The following UNC13A variants were observed in gnomAD, a reference collection of about 807,000 sequenced individuals.
UNC13A encodes protein unc-13 homolog A.
In UNC13A, 61 loss-of-function variants were observed where a neutral mutation model predicts 219.7. The ratio of observed to expected loss-of-function variants is 0.28; its 90% CI spans 0.23 to 0.34. UNC13A has a LOEUF of 0.34. UNC13A is among the 10% of genes least tolerant of loss of function. The pLI is 1.00. For synonymous variants in UNC13A, 920 were observed against 884.6 expected (o/e 1.04, Z -0.71); for missense variants, 1,476 against 2,270.3 (o/e 0.65, Z 7.11).
Position 17,627,496 on chromosome 19 carries a change from G to C in UNC13A, c.3920+13C>G, listed in dbSNP as rs2076795657. 1.9e-6 allele frequency: 3 copies of C among 1,553,352 alleles called. No homozygotes were observed. The South Asian group carries it at 3.6e-5, about 18-fold the overall frequency. ...TCCCTCCCCACTGCCCCCAGCCCTGGAGATGCTCCCACCTGGTAGCAAACA... is the reference window on the plus strand; with the variant it reads ...TCCCTCCCCACTGCCCCCAGCCCTGCAGATGCTCCCACCTGGTAGCAAACA... On this transcript the variant is annotated intron_variant, in intron 33 of 43. Transcript: ENST00000519716. This position sits in a 1 kb window ranked among gnomAD's most constrained non-coding sequence, Gnocchi z 4.7.
At position 17,633,176 on chromosome 19, in the gene UNC13A, T is replaced by C. The variant is rs1188365868; in HGVS notation, c.3233A>G (p.Asn1078Ser). 1 of 1,614,100 alleles carries C rather than the reference T, an allele frequency of 6.2e-7. No homozygotes were observed. The highest frequency in any genetic ancestry group is 2.2e-5 in the East Asian group (1 of 44,882). The change falls in exon 27 of 44, where the codon AAT becomes AGT. Residue 1078 changes from asparagine to serine, a missense_variant. Asn to Ser is a conservative substitution (Grantham distance 46, BLOSUM62 1). Transcript: ENST00000519716. ...CACTTCAGCGCTGATTTTACCCACATTCAGCTCCTGGGGAAACCTGGCAAA... is the reference window on the plus strand; with the variant it reads ...CACTTCAGCGCTGATTTTACCCACACTCAGCTCCTGGGGAAACCTGGCAAA... The part of the protein sequence containing the change: ...PCLNQFPQEL[N>S]VGKISAEVMW...
rs1286038817 is a variant in UNC13A, at chr19:17,639,116, A to G, written c.3048T>C (p.His1016=). 1 of 1,611,836 alleles carries G rather than the reference A, an allele frequency of 6.2e-7. No homozygotes were observed. Among genetic ancestry groups the G allele is most frequent in the Admixed American group, 1.7e-5 (1 of 59,588 alleles). ...TCTGGTACTCCCGGCTGTACAGTTC[A>G]TGGCAGTTATTGAAGATGTACTCGT... ...STYEYIFNNC[H]ELYSREYQTD... Residue 1016 remains histidine, a synonymous_variant, in exon 25 of 44, where the codon CAT becomes CAC. Transcript: ENST00000519716.
chr19:17,605,992 C>T lies in UNC13A; in HGVS notation c.*62G>A. The T allele has an allele frequency of 2.9e-6, 4 of 1,366,932 alleles. No individual in the cohort carries two copies. Among genetic ancestry groups the T allele is most frequent in the Non-Finnish European group, 2.8e-6 (3 of 1,060,380 alleles). 84.7% of individuals were successfully genotyped at this position (1,366,932 alleles called of 1,614,324 possible). On this transcript the variant is annotated 3_prime_UTR_variant, in exon 44 of 44. Coordinates refer to ENST00000519716, the MANE Select transcript of UNC13A (RefSeq NM_001080421.3). ...GGGGAGGTCCCACCAAGGCGCAAGC[C>T]CCGTCCCTCCCCGCCCAGCGCCCTC...
chr19:17,670,983 A>T (rs2079777398), intron 4 of UNC13A, among the ~76,000 whole-genome samples: 1 of 150,640 alleles, frequency 6.6e-6, no homozygotes. Flanking sequence ...GAACAAACAA[A>T]AAACAGTCCC....
At chr19:17,675,383 G>C (rs541982454) in intron 2 of UNC13A, among the ~76,000 whole-genome samples, 23 of 151,916 alleles carry the variant, frequency 1.5e-4, no homozygotes, top group African/African-American at 5.5e-4. Context: ...TGCAATCCTA[G>C]CACTTTGGGA....
intron 36 of UNC13A, chr19:17,623,281 G>A: frequency 2.2e-6 from 1 of 455,262 alleles, no homozygotes. Context: ...GGAGGAGCTG[G>A]GCTTGGGGTT....
intron 6 of UNC13A, among the ~76,000 whole-genome samples, 177 bp from the exon 7 acceptor site, chr19:17,666,881 CGAGAGA>C (rs10535025): frequency 9.6e-5 from 11 of 115,176 alleles, no homozygotes; most frequent in Admixed American, 6.8e-4. Context: ...CACACACACA[CGAGAGA>C]GAGAGAGAGA....
intron 43 of UNC13A, among the ~76,000 whole-genome samples, chr19:17,607,728 C>A (rs1444872886): frequency 1.3e-5 from 2 of 151,786 alleles, no homozygotes; most frequent in East Asian, 3.9e-4. Flanking sequence ...GGACTACTTT[C>A]TTCTGCACTT....
chr19:17,647,284 G>A lies in UNC13A; in HGVS notation c.2025C>T (p.Ser675=), dbSNP rs749245009. The A allele has an allele frequency of 2.3e-5, 36 of 1,589,458 alleles. No individual in the cohort carries two copies. In the Admixed American group the frequency reaches 3.2e-4, roughly 14 times the overall value. Reference sequence around the variant, plus strand: ...CCTCACCGGTGATGCTGATCTTGGCGGACCACTTGGACGTGCCGTCCAGCA... The same window carrying A: ...CCTCACCGGTGATGCTGATCTTGGCAGACCACTTGGACGTGCCGTCCAGCA... The part of the protein sequence containing the change: ...QSVLDGTSKW[S]AKISITVVCA... Residue 675 remains serine (S), a synonymous_variant, in exon 17 of 44, where the codon TCC becomes TCT. Transcript: ENST00000519716.
rs115504223 is a variant in UNC13A, at chr19:17,629,408, C to T, written c.3670-85G>A. 6,514 of 1,253,722 alleles carry T rather than the reference C, an allele frequency of 5.2e-3. 258 individuals are homozygous for T. In the African/African-American group the frequency reaches 0.087, roughly 17 times the overall value. 77.7% of individuals were successfully genotyped at this position (1,253,722 alleles called of 1,614,324 possible). On this transcript the variant is annotated intron_variant, in intron 30 of 43. Coordinates refer to ENST00000519716, the MANE Select transcript of UNC13A (RefSeq NM_001080421.3). The stretch of plus-strand genomic sequence containing the variant: ...GTCCCATCAAGGCCACTAGTGAGAT[C>T]AGTGATGAACCCAAACCCTATTAGG...
intron 41 of UNC13A, among the ~76,000 whole-genome samples, chr19:17,615,810 C>CA (rs964186376): frequency 4.0e-5 from 6 of 151,876 alleles, no homozygotes; most frequent in Non-Finnish European, 8.8e-5. Flanking sequence ...CACCTCTCTA[C>CA]AAAAAAAATT....
At chr19:17,647,806 GC>G (rs2145066895) in intron 16 of UNC13A, among the ~76,000 whole-genome samples, 1 of 6,140 alleles carries the variant, frequency 1.6e-4, no homozygotes, top group African/African-American at 5.5e-4. Flanking sequence ...CTGAGTCCCC[GC>G]CCCCTCTGCG....
intron 21 of UNC13A, 40 bp downstream of exon 21, chr19:17,641,353 A>G: frequency 6.3e-7 from 1 of 1,594,492 alleles, no homozygotes; most frequent in Non-Finnish European, 8.6e-7. Flanking sequence ...CCACTTGGTG[A>G]CCTCCCTCTT....
chr19:17,637,376 C>T (rs1230373427), intron 25 of UNC13A, among the ~76,000 whole-genome samples: 1 of 151,586 alleles, frequency 6.6e-6, no homozygotes, highest in Non-Finnish European at 1.5e-5. Flanking sequence ...CAGCTCACTG[C>T]AAGCTCTGCC....
chr19:17,606,654 G>GC (rs2144902385), intron 43 of UNC13A, among the ~76,000 whole-genome samples: 1 of 151,238 alleles, frequency 6.6e-6, no homozygotes, highest in East Asian at 1.9e-4. Context: ...ACACCGCCCT[G>GC]CAAGGCCATG....
Position 17,648,942 on chromosome 19 carries a change from CA to C in UNC13A, c.1565del (p.Leu522TrpfsTer6). 1.2e-6 allele frequency: 2 copies of C among 1,605,248 alleles called. No homozygotes were observed. The highest frequency in any genetic ancestry group is 1.1e-5 in the South Asian group (1 of 89,118). ...QSRKAGITSA[L>X]ASSTLNNEEL... ...CCTCGTTGTTCAACGTGCTGGAGGCCAAGGCCGAGGTGATGCCCGCTTTCCT... is the reference window on the plus strand; with the variant it reads ...CCTCGTTGTTCAACGTGCTGGAGGCCAGGCCGAGGTGATGCCCGCTTTCCT... On this transcript the variant is annotated frameshift_variant, in exon 15 of 44. Transcript: ENST00000519716. LOFTEE classifies it high-confidence loss of function.
chr19:17,603,517 A>G lies in UNC13A; in HGVS notation c.*2537T>C, dbSNP rs1264048075. The G allele has an allele frequency of 6.6e-6, 1 of 152,064 alleles. No individual in the cohort carries two copies. Among genetic ancestry groups the G allele is most frequent in the Non-Finnish European group, 1.5e-5 (1 of 68,018 alleles). The allele number at this position is 152,064 out of a possible 1,614,324, so 9.4% of individuals were successfully genotyped here. A position where few individuals can be genotyped will look rare whatever the true frequency, so the allele number is the denominator to read the frequency against. Reference sequence around the variant, plus strand: ...GCTTATCCCTGGCTACAACTTCCCAACCCTGTATGAGAATTTGCATTTTAA... The same window carrying G: ...GCTTATCCCTGGCTACAACTTCCCAGCCCTGTATGAGAATTTGCATTTTAA... On this transcript the variant is annotated 3_prime_UTR_variant, in exon 44 of 44. Coordinates refer to ENST00000519716, the MANE Select transcript of UNC13A (RefSeq NM_001080421.3).
At chr19:17,661,489 T>A (rs1261369657) in intron 8 of UNC13A, among the ~76,000 whole-genome samples, 1 of 150,312 alleles carries the variant, frequency 6.7e-6, no homozygotes, top group Non-Finnish European at 1.5e-5. Context: ...AGGTCAGGAG[T>A]TCAAGACCAG....
intron 42 of UNC13A, among the ~76,000 whole-genome samples, chr19:17,610,766 C>T (rs527808313): frequency 7.9e-5 from 12 of 152,112 alleles, no homozygotes; most frequent in Non-Finnish European, 1.3e-4. Flanking sequence ...TGGTGGCTCA[C>T]GTCTGGAATC....
Sources: allele counts gnomAD v4.1 joint callset (sites outside exome capture counted in the v4.1 genomes callset), GRCh38; gene constraint gnomAD v4.1.1; non-coding constraint Gnocchi (gnomAD v3.1); transcripts MANE v1.5; gene names NCBI Gene and HGNC (gene_info 2026-07-23, HGNC 2026-07-21).